The following RPS6KC1 variants were observed in gnomAD, a reference collection of about 807,000 sequenced individuals.
RPS6KC1 encodes inactive ribosomal protein S6 kinase delta-1.
RPS6KC1 carries 54 observed loss-of-function variants against 103.8 expected under a neutral mutation model. The observed-to-expected ratio is 0.52, with a 90% confidence interval of 0.42 to 0.65. RPS6KC1 has a LOEUF of 0.65. Among genes scored for constraint, RPS6KC1 ranks in the 30% least tolerant of loss-of-function variants. The pLI, the probability that RPS6KC1 is intolerant of heterozygous loss-of-function variation, is 0.00. For synonymous variants in RPS6KC1, 439 were observed against 438.7 expected, an observed-to-expected ratio of 1.00 and a Z score of -0.01; for missense variants, 1,151 against 1,253.8, an observed-to-expected ratio of 0.92 and a Z score of 1.24.
At chr1:213,154,214 C>T (rs2089600529) in intron 6 of RPS6KC1, among the ~76,000 whole-genome samples, 1 of 152,238 alleles carries the variant, frequency 6.6e-6, no homozygotes, top group Non-Finnish European at 1.5e-5. Flanking sequence ...GAAGCTGGCA[C>T]AGTGCTGGGT....
chr1:213,786,451 A>C, the RPS6KC1 span, among the ~76,000 whole-genome samples: 2 of 152,266 alleles, frequency 1.3e-5, no homozygotes, highest in South Asian at 4.1e-4. Flanking sequence ...CAGTGAGTAG[A>C]TACCTTCTGA....
chr1:213,750,502 G>A, the RPS6KC1 span, among the ~76,000 whole-genome samples: 1 of 152,232 alleles, frequency 6.6e-6, no homozygotes, highest in African/African-American at 2.4e-5. Context: ...GAGAGACGAT[G>A]AGGACCCCAG....
At chr1:213,157,903 T>G (rs893285684) in intron 6 of RPS6KC1, among the ~76,000 whole-genome samples, 1 of 152,228 alleles carries the variant, frequency 6.6e-6, no homozygotes, top group African/African-American at 2.4e-5. Flanking sequence ...TATAACCTTT[T>G]AATGTTATAA....
the RPS6KC1 span, among the ~76,000 whole-genome samples, chr1:213,660,243 G>A: frequency 1.3e-5 from 2 of 152,322 alleles, no homozygotes; most frequent in East Asian, 1.9e-4. Flanking sequence ...GAGGAGGAAC[G>A]GGAAGGGACT....
chr1:213,476,016 G>A, the RPS6KC1 span, among the ~76,000 whole-genome samples: 1 of 152,040 alleles, frequency 6.6e-6, no homozygotes, highest in Admixed American at 6.5e-5. Context: ...CCTCAGCAGT[G>A]CCTCATCTCT....
chr1:213,539,123 G>A, the RPS6KC1 span, among the ~76,000 whole-genome samples: 1 of 152,136 alleles, frequency 6.6e-6, no homozygotes, highest in Non-Finnish European at 1.5e-5. Context: ...ATGAAGGCAG[G>A]CCTGTTTCTT....
chr1:213,826,930 T>C, the RPS6KC1 span, among the ~76,000 whole-genome samples: 1 of 152,168 alleles, frequency 6.6e-6, no homozygotes, highest in Non-Finnish European at 1.5e-5. Flanking sequence ...ATTGCTACAC[T>C]CTGCTGCTTC....
At chr1:213,569,499 G>A in the RPS6KC1 span, among the ~76,000 whole-genome samples, 1 of 152,064 alleles carries the variant, frequency 6.6e-6, no homozygotes, top group Non-Finnish European at 1.5e-5. Context: ...AGAACAGAAG[G>A]CTCTTTTGTG....
At chr1:213,375,070 CAT>C in the RPS6KC1 span, among the ~76,000 whole-genome samples, 1 of 151,580 alleles carries the variant, frequency 6.6e-6, no homozygotes. Context: ...CATACACACA[CAT>C]ACACACATAC....
the RPS6KC1 span, among the ~76,000 whole-genome samples, chr1:213,476,156 T>G: frequency 6.6e-6 from 1 of 152,020 alleles, no homozygotes; most frequent in Non-Finnish European, 1.5e-5. Context: ...TCTGGAAACC[T>G]CCCCGGCTGT....
the RPS6KC1 span, among the ~76,000 whole-genome samples, chr1:213,551,531 C>T: frequency 5.9e-5 from 9 of 152,254 alleles, no homozygotes; most frequent in Admixed American, 2.6e-4. Flanking sequence ...AAGTACAGTA[C>T]ATGTATGTAT....
chr1:213,748,349 T>G, the RPS6KC1 span, among the ~76,000 whole-genome samples: 3 of 152,340 alleles, frequency 2.0e-5, no homozygotes, highest in East Asian at 5.8e-4. Context: ...AAGGAGCAGA[T>G]TTTTGAGGGC....
At chr1:213,063,002 A>G (rs999207194) in intron 1 of RPS6KC1, among the ~76,000 whole-genome samples, 3 of 152,220 alleles carry the variant, frequency 2.0e-5, no homozygotes, top group Non-Finnish European at 2.9e-5. Flanking sequence ...GCCAAGCCTC[A>G]CAGTCTGATC....
At position 213,241,864 on chromosome 1, in the gene RPS6KC1, T is replaced by C; in HGVS notation, c.2388T>C (p.Asp796=). 3 of 1,614,010 alleles carry C rather than the reference T, an allele frequency of 1.9e-6. No individual in the cohort carries two copies. Among genetic ancestry groups the C allele is most frequent in the Non-Finnish European group, 2.5e-6 (3 of 1,179,952 alleles). Residue 796 remains aspartate (D), a synonymous_variant, in exon 11 of 15, where the codon GAT becomes GAC. Coordinates refer to ENST00000366960, the MANE Select transcript of RPS6KC1 (RefSeq NM_012424.6). ...SGDMSLLPSS[D]PKFQGLGVVE... ...ATATGTCTTTGTTACCCAGCTCAGA[T>C]CCTAAGTTTCAAGGACTTGGAGTGG...
the RPS6KC1 span, among the ~76,000 whole-genome samples, chr1:213,673,366 T>C: frequency 6.6e-6 from 1 of 152,334 alleles, no homozygotes; most frequent in Non-Finnish European, 1.5e-5. Flanking sequence ...CTTTCACTGT[T>C]GGTAAACCTA....
At chr1:213,111,755 G>GTAGT (rs542009928) in intron 4 of RPS6KC1, among the ~76,000 whole-genome samples, 67 of 152,270 alleles carry the variant, frequency 4.4e-4, no homozygotes, top group Non-Finnish European at 7.8e-4. Context: ...GGTAGAAGAG[G>GTAGT]TAGTTAATAG....
chr1:213,220,062 A>G (rs1462659674), intron 8 of RPS6KC1, among the ~76,000 whole-genome samples: 1 of 152,192 alleles, frequency 6.6e-6, no homozygotes. Flanking sequence ...ATAGGTATGA[A>G]TTGAATTCAG....
the RPS6KC1 span, among the ~76,000 whole-genome samples, chr1:213,605,665 T>G: frequency 6.6e-6 from 1 of 152,200 alleles, no homozygotes; most frequent in South Asian, 2.1e-4. Context: ...AGAACCATAT[T>G]TGGCACATAG....
chr1:213,221,069 A>G lies in RPS6KC1; in HGVS notation c.1045-9428A>G, dbSNP rs1035126677. ...CAAAATACTCTACTTTTATGACTCC[A>G]TAAAAAATACAATCTTTATTATTAT... On this transcript the variant is annotated intron_variant, in intron 8 of 14. Transcript: ENST00000366960. 2.0e-5 allele frequency among the ~76,000 whole-genome samples: 3 copies of G among 152,234 alleles called. No individual in the cohort carries two copies. In the East Asian group the frequency reaches 5.8e-4, roughly 29 times the overall value.
Sources: allele counts gnomAD v4.1 joint callset (sites outside exome capture counted in the v4.1 genomes callset), GRCh38; gene constraint gnomAD v4.1.1; transcripts MANE v1.5; gene names NCBI Gene and HGNC (gene_info 2026-07-23, HGNC 2026-07-21).